OPRD1: variants seen among roughly 807,000 people sequenced by gnomAD.
OPRD1 encodes the protein opioid receptor delta 1, also known as delta-type opioid receptor.
In OPRD1, 19 loss-of-function variants were observed where a neutral mutation model predicts 17.5. The ratio of observed to expected loss-of-function variants is 1.09; its 90% CI spans 0.76 to 1.60. The LOEUF is 1.60. OPRD1 is among the 40% of genes most tolerant of loss of function. The pLI is 0.00. For missense variants in OPRD1, 483 were observed against 547.2 expected, an observed-to-expected ratio of 0.88 and a Z score of 1.17; for synonymous variants, 256 against 240.9, an observed-to-expected ratio of 1.06 and a Z score of -0.58.
intron 2 of OPRD1, among the ~76,000 whole-genome samples, chr1:28,861,319 C>G (rs2089117145): frequency 6.6e-6 from 1 of 152,124 alleles, no homozygotes; most frequent in Non-Finnish European, 1.5e-5. Flanking sequence ...GGTGTTCATC[C>G]AGCCCAAGCC....
chr1:28,812,385 TG>T lies in OPRD1; in HGVS notation c.4del (p.Glu2?). On this transcript the variant is annotated frameshift_variant and start_lost, in exon 1 of 3. Transcript: ENST00000234961. LOFTEE classifies it high-confidence loss of function. Reference sequence around the variant, plus strand: ...ACGCGGCGGAGCCGGCCGGCAGCCATGGAACCGGCCCCCTCCGCCGGCGCCG... The same window carrying T: ...ACGCGGCGGAGCCGGCCGGCAGCCATGAACCGGCCCCCTCCGCCGGCGCCG... [M>X]EPAPSAGAEL... is the part of the protein sequence containing the mutation. 2.1e-6 allele frequency: 3 copies of T among 1,402,120 alleles called. No individual in the cohort carries two copies. Among genetic ancestry groups the T allele is most frequent in the Non-Finnish European group, 2.8e-6 (3 of 1,085,268 alleles). The allele number at this position is 1,402,120 out of a possible 1,614,324, so 86.9% of individuals were successfully genotyped here.
At chr1:28,827,577 T>C (rs1206173124) in intron 1 of OPRD1, among the ~76,000 whole-genome samples, 1 of 152,206 alleles carries the variant, frequency 6.6e-6, no homozygotes, top group Non-Finnish European at 1.5e-5. Flanking sequence ...GCAGCAGCAA[T>C]TCAGTCACAT....
At chr1:28,823,963 A>G (rs1303850296) in intron 1 of OPRD1, among the ~76,000 whole-genome samples, 1 of 142,078 alleles carries the variant, frequency 7.0e-6, no homozygotes, top group African/African-American at 2.6e-5. Context: ...GGATCATTTG[A>G]GGTCAGGAGT....
intron 1 of OPRD1, among the ~76,000 whole-genome samples, chr1:28,822,321 A>C (rs2088722411): frequency 6.6e-6 from 1 of 152,124 alleles, no homozygotes; most frequent in African/African-American, 2.4e-5. Context: ...TGTGTAATGT[A>C]GGGAGCTTCC....
At chr1:28,824,628 T>A (rs928242952) in intron 1 of OPRD1, among the ~76,000 whole-genome samples, 3 of 151,976 alleles carry the variant, frequency 2.0e-5, no homozygotes, top group Non-Finnish European at 4.4e-5. Context: ...GATGGTTCTT[T>A]TTCTTGAGTA....
chr1:28,824,459 G>A (rs377656947), intron 1 of OPRD1, among the ~76,000 whole-genome samples: 1 of 150,872 alleles, frequency 6.6e-6, no homozygotes, highest in African/African-American at 2.4e-5. Context: ...GACTACAGGC[G>A]CCCGCCACCA....
At chr1:28,825,058 T>A (rs2088752744) in intron 1 of OPRD1, among the ~76,000 whole-genome samples, 1 of 151,366 alleles carries the variant, frequency 6.6e-6, no homozygotes, top group Non-Finnish European at 1.5e-5. Context: ...ATGATCTCGA[T>A]CTCCTGACCT....
chr1:28,846,821 T>TTTTCTTTCTTTCTTTCTTTC lies in OPRD1; in HGVS notation c.228-12125_228-12106dup, dbSNP rs1196638603. 6.8e-4 allele frequency among the ~76,000 whole-genome samples: 70 copies of TTTTCTTTCTTTCTTTCTTTC among 103,654 alleles called. 2 individuals carry two copies. The East Asian group carries it at 9.9e-3, about 15-fold the overall frequency. The allele number at this position is 103,654 out of a possible 152,430, so 68.0% of individuals were successfully genotyped here. ...TTGTATCACATGGAGGCTGTTTGCATTTTCTTTCTTTCTTTCTTTCTTTCT... is the reference window on the plus strand; with the variant it reads ...TTGTATCACATGGAGGCTGTTTGCATTTTCTTTCTTTCTTTCTTTCTTTCTTTCTTTCTTTCTTTCTTTCT... On this transcript the variant is annotated intron_variant, in intron 1 of 2. Coordinates refer to ENST00000234961, the MANE Select transcript of OPRD1 (RefSeq NM_000911.4).
At chr1:28,828,989 C>CAA (rs149592402) in intron 1 of OPRD1, among the ~76,000 whole-genome samples, 3 of 137,412 alleles carry the variant, frequency 2.2e-5, no homozygotes, top group African/African-American at 5.4e-5. Flanking sequence ...GACTCTGTCT[C>CAA]AAAAAAAAAA....
In OPRD1 at chr1:28,812,225, G is replaced by A; in HGVS notation, c.-159G>A. ...CGCCGGGGGCTGGGCCGGTGCGGGC[G>A]GCGAGGCAGGCGGACGAGGCGCAGA... On this transcript the variant is annotated 5_prime_UTR_variant, in exon 1 of 3. Transcript: ENST00000234961. 7.7e-6 allele frequency: 2 copies of A among 258,110 alleles called. No homozygotes were observed. Among genetic ancestry groups the A allele is most frequent in the Non-Finnish European group, 1.3e-5 (2 of 154,576 alleles). 16.0% of individuals were successfully genotyped at this position (258,110 alleles called of 1,614,324 possible).
At chr1:28,846,911 C>CTTTCTTTCTTTCTTTTCTCTTTCTTTCTT in intron 1 of OPRD1, among the ~76,000 whole-genome samples, 1 of 124,082 alleles carries the variant, frequency 8.1e-6, no homozygotes, top group African/African-American at 3.0e-5. Context: ...CTTTCTTTTT[C>CTTTCTTTCTTTCTTTTCTCTTTCTTTCTT]TTTCTTTCTT....
At chr1:28,859,970 C>T (rs2089098166) in intron 2 of OPRD1, among the ~76,000 whole-genome samples, 1 of 152,228 alleles carries the variant, frequency 6.6e-6, no homozygotes, top group African/African-American at 2.4e-5. Flanking sequence ...GGAGCACAGA[C>T]ATTCAGGGAC....
chr1:28,857,644 T>TATG (rs1381101821), intron 1 of OPRD1, among the ~76,000 whole-genome samples: 7 of 151,736 alleles, frequency 4.6e-5, no homozygotes, highest in Admixed American at 4.6e-4. Context: ...ATTTTTGTAT[T>TATG]ATTATTATTA....
intron 1 of OPRD1, among the ~76,000 whole-genome samples, chr1:28,827,587 T>A (rs1461653210): frequency 1.3e-5 from 2 of 152,236 alleles, no homozygotes; most frequent in Non-Finnish European, 2.9e-5. Flanking sequence ...TTCAGTCACA[T>A]CTTCAGGCCC....
chr1:28,834,998 G>A (rs1206358549), intron 1 of OPRD1, among the ~76,000 whole-genome samples: 2 of 152,180 alleles, frequency 1.3e-5, no homozygotes, highest in Non-Finnish European at 2.9e-5. Context: ...TTGCTCCCCT[G>A]TTCTGCTCTC....
At chr1:28,834,250 TTC>T (rs2088831333) in intron 1 of OPRD1, among the ~76,000 whole-genome samples, 1 of 152,018 alleles carries the variant, frequency 6.6e-6, no homozygotes, top group Non-Finnish European at 1.5e-5. Context: ...TGCTGCTTGT[TTC>T]TGTGCTTGCA....
At chr1:28,851,880 A>G (rs1312802212) in intron 1 of OPRD1, among the ~76,000 whole-genome samples, 1 of 135,340 alleles carries the variant, frequency 7.4e-6, no homozygotes, top group African/African-American at 2.8e-5. Context: ...AAAAAAAAAA[A>G]GAAGAAGCCG....
At chr1:28,822,905 C>T (rs984623795) in intron 1 of OPRD1, among the ~76,000 whole-genome samples, 2 of 152,180 alleles carry the variant, frequency 1.3e-5, no homozygotes, top group African/African-American at 4.8e-5. Context: ...TCATTAACCT[C>T]AGAGTCCTGG....
intron 1 of OPRD1, among the ~76,000 whole-genome samples, chr1:28,842,973 A>AG (rs1417848162): frequency 6.6e-6 from 1 of 151,730 alleles, no homozygotes; most frequent in African/African-American, 2.4e-5. Context: ...TTGGGAAAAA[A>AG]AAAAGAAGAA....
Sources: allele counts gnomAD v4.1 joint callset (sites outside exome capture counted in the v4.1 genomes callset), GRCh38; gene constraint gnomAD v4.1.1; transcripts MANE v1.5; gene names NCBI Gene and HGNC (gene_info 2026-07-23, HGNC 2026-07-21).